Variants in AMZ1 observed in about 807,000 individuals in gnomAD.
AMZ1 encodes archaemetzincin-1.
AMZ1 carries 39 observed loss-of-function variants against 29.9 expected under a neutral mutation model. That is an observed-to-expected ratio of 1.30 (90% CI 1.01 to 1.70). The LOEUF (loss-of-function observed/expected upper bound fraction) is 1.70, where lower values mean the gene tolerates loss of function less well. Ranked by LOEUF, AMZ1 falls within the 40% of genes most tolerant of loss-of-function variation. AMZ1 has a pLI of 0.00. For synonymous variants in AMZ1, 458 were observed against 304.0 expected, an observed-to-expected ratio of 1.51 and a Z score of -5.27; for missense variants, 1,041 against 680.6, an observed-to-expected ratio of 1.53 and a Z score of -5.89.
chr7:2,696,116 G>A (rs1176467105), intron 1 of AMZ1, among the ~76,000 whole-genome samples: 1 of 151,922 alleles, frequency 6.6e-6, no homozygotes, highest in Non-Finnish European at 1.5e-5. Context: ...GATTCTGGGT[G>A]GCATGGTGTT....
rs1788521042 is a variant in AMZ1 at position 2,708,624 on chromosome 7, G to A, written c.509G>A (p.Gly170Glu). The stretch of plus-strand genomic sequence containing the variant: ...TCCTTCTTGAAGAACAACAAGCCAG[G>A]GGACGCGCTGTGTGTGCTGGGCCTC... ...ILSFLKNNKP[G>E]DALCVLGLTL... is the part of the protein sequence containing the mutation. Residue 170 changes from glycine to glutamate, a missense_variant, in exon 4 of 7, where the codon GGG becomes GAG. Gly to Glu is a moderately conservative substitution (Grantham distance 98). Coordinates refer to ENST00000683327, the MANE Select transcript of AMZ1 (RefSeq NM_001384743.1). 6.2e-7 allele frequency: 1 copy of A among 1,613,060 alleles called. No individual in the cohort carries two copies. Among genetic ancestry groups the A allele is most frequent in the East Asian group, 2.2e-5 (1 of 44,880 alleles).
rs552243987 is a variant in AMZ1, at chr7:2,701,525, C to T, written c.304+770C>T. On this transcript the variant is annotated intron_variant, in intron 2 of 6. Coordinates refer to ENST00000683327, the MANE Select transcript of AMZ1 (RefSeq NM_001384743.1). ...GGGGGACCCAGGGTGAATGGGGGGCCGAGACAACAGGCATCCGTGCTCAGA... is the reference window on the plus strand; with the variant it reads ...GGGGGACCCAGGGTGAATGGGGGGCTGAGACAACAGGCATCCGTGCTCAGA... Among the ~76,000 whole-genome samples the T allele has an allele frequency of 3.9e-3, 600 of 152,204 alleles. 1 individual carries two copies. Among genetic ancestry groups the T allele is most frequent in the Middle Eastern group, 6.8e-3 (2 of 294 alleles).
At chr7:2,761,141 G>A (rs767613278), upstream of AMZ1, among the ~76,000 whole-genome samples, 24 of 152,170 alleles carry the variant, frequency 1.6e-4, no homozygotes, top group East Asian at 1.9e-4. Flanking sequence ...AGAGTTATGC[G>A]GATGGGAGAC....
At chr7:2,732,321 G>C (rs1162660921) in intron 4 of AMZ1, among the ~76,000 whole-genome samples, 2 of 152,126 alleles carry the variant, frequency 1.3e-5, no homozygotes. Context: ...GGAAGTGGGA[G>C]GAATACCTTG....
chr7:2,735,928 G>A (rs1229316028), intron 4 of AMZ1, among the ~76,000 whole-genome samples: 1 of 152,132 alleles, frequency 6.6e-6, no homozygotes, highest in Admixed American at 6.6e-5. Flanking sequence ...AACCCTGTGT[G>A]ATCCAGAACG....
chr7:2,736,963 C>T (rs1025839859), intron 4 of AMZ1, among the ~76,000 whole-genome samples: 3 of 152,238 alleles, frequency 2.0e-5, no homozygotes, highest in African/African-American at 7.2e-5. Context: ...GAGGGGCTGA[C>T]TCTGGTTCCC....
chr7:2,735,390 GGA>G lies in AMZ1; in HGVS notation n.550+25578_550+25579del, dbSNP rs1364379847. On this transcript the variant is annotated intron_variant and non_coding_transcript_variant, in intron 4 of 4. Transcript: ENST00000489665. ...GCAGGGTTCTAGCTGGGTCAGGCAT[GGA>G]GAGTCACAGTGGCACAGATGCCCCA... Among the ~76,000 whole-genome samples, 4 of 152,326 alleles carry G rather than the reference GGA, an allele frequency of 2.6e-5. No individual in the cohort carries two copies. In the East Asian group the frequency reaches 7.7e-4, roughly 29 times the overall value.
chr7:2,684,500 T>C (rs560871318), upstream of AMZ1, among the ~76,000 whole-genome samples: 1 of 152,342 alleles, frequency 6.6e-6, no homozygotes, highest in Admixed American at 6.5e-5. Flanking sequence ...GGTCAGAGGA[T>C]GGTGATGGGG....
Position 2,712,451 on chromosome 7 carries a change from AC to A in AMZ1, c.1071del (p.Ser358ArgfsTer28). Reference sequence around the variant, plus strand: ...GACTCGGGCATGTGCTGTGAGAGTGACTCGGAGCCCGGCACCAGTGTGTCGG... The same window carrying A: ...GACTCGGGCATGTGCTGTGAGAGTGATCGGAGCCCGGCACCAGTGTGTCGG... ...SADSGMCCESDSEPGTSVSEP... is the reference protein window; with the variant it reads ...SADSGMCCESXSEPGTSVSEP... On this transcript the variant is annotated frameshift_variant, in exon 7 of 7. Transcript: ENST00000683327. LOFTEE classifies it low-confidence loss of function (END_TRUNC). 6.2e-7 allele frequency: 1 copy of A among 1,611,568 alleles called. No homozygotes were observed. Among genetic ancestry groups the A allele is most frequent in the Non-Finnish European group, 8.5e-7 (1 of 1,179,686 alleles).
chr7:2,742,373 T>C (rs970104391), intron 4 of AMZ1, among the ~76,000 whole-genome samples: 6 of 152,196 alleles, frequency 3.9e-5, no homozygotes, highest in African/African-American at 1.2e-4. Context: ...GTTTTTGCGA[T>C]GTCTCCAGTG....
intron 4 of AMZ1, among the ~76,000 whole-genome samples, chr7:2,756,691 T>C (rs980975942): frequency 6.6e-6 from 1 of 152,230 alleles, no homozygotes; most frequent in Non-Finnish European, 1.5e-5. Context: ...GTCAGAATTC[T>C]AAGATGAGCC....
At chr7:2,691,893 G>T (rs972815510) in intron 1 of AMZ1, among the ~76,000 whole-genome samples, 3 of 152,150 alleles carry the variant, frequency 2.0e-5, no homozygotes, top group African/African-American at 7.2e-5. Flanking sequence ...TGGGCATCTG[G>T]AAGGCCCTGG....
upstream of AMZ1, among the ~76,000 whole-genome samples, chr7:2,759,724 C>T (rs1791469213): frequency 6.6e-6 from 1 of 152,162 alleles, no homozygotes; most frequent in South Asian, 2.1e-4. Flanking sequence ...GAGATGTATA[C>T]ACTTCAGAAT....
At chr7:2,699,292 G>T (rs182888310) in intron 1 of AMZ1, among the ~76,000 whole-genome samples, 1 of 152,122 alleles carries the variant, frequency 6.6e-6, no homozygotes, top group African/African-American at 2.4e-5. Context: ...CTGCTGCTCC[G>T]GTCAGAGCAT....
intron 1 of AMZ1, among the ~76,000 whole-genome samples, chr7:2,689,732 A>T (rs1787275471): frequency 6.6e-6 from 1 of 152,228 alleles, no homozygotes; most frequent in East Asian, 1.9e-4. Context: ...GGCTGCTGTC[A>T]TGACTGCAGT....
upstream of AMZ1, among the ~76,000 whole-genome samples, chr7:2,763,523 C>A (rs1791674564): frequency 6.6e-6 from 1 of 152,228 alleles, no homozygotes; most frequent in African/African-American, 2.4e-5. Flanking sequence ...AAGCTCCAGT[C>A]CATGTCCCAA....
rs187442694 is a variant in AMZ1 at position 2,700,160 on chromosome 7, G to A, written c.-218-74G>A. 334 of 459,068 alleles carry A rather than the reference G, an allele frequency of 7.3e-4. 5 individuals carry two copies. In the East Asian group the frequency reaches 0.011, roughly 15 times the overall value. The allele number at this position is 459,068 out of a possible 1,614,324, so 28.4% of individuals were successfully genotyped here. Reference sequence around the variant, plus strand: ...CTTCTCCCCAGGCCTGGGCAGGAGCGGCCCATCCCTTGCCTGGGACATCGG... The same window carrying A: ...CTTCTCCCCAGGCCTGGGCAGGAGCAGCCCATCCCTTGCCTGGGACATCGG... On this transcript the variant is annotated intron_variant, in intron 1 of 6. Coordinates refer to ENST00000683327, the MANE Select transcript of AMZ1 (RefSeq NM_001384743.1).
chr7:2,682,305 G>A (rs1786911714), intron 1 of AMZ1, among the ~76,000 whole-genome samples: 1 of 151,940 alleles, frequency 6.6e-6, no homozygotes, highest in Non-Finnish European at 1.5e-5. Flanking sequence ...GGTGGGAACT[G>A]CAGCTCCAGG....
At chr7:2,724,529 C>A (rs144033626), downstream of AMZ1, among the ~76,000 whole-genome samples, 111 of 152,304 alleles carry the variant, frequency 7.3e-4, no homozygotes, top group African/African-American at 2.6e-3. Context: ...GCCCTCTGTG[C>A]CTCTCTGCAC....
Sources: gnomAD v4.1 joint callset for allele counts (sites outside exome capture counted in the v4.1 genomes callset) on GRCh38, gnomAD v4.1.1 for gene constraint, MANE v1.5 for transcripts, NCBI Gene and HGNC (gene_info 2026-07-23, HGNC 2026-07-21) for gene names.